Variants in TRERF1 observed in about 807,000 individuals in gnomAD.
TRERF1 encodes transcriptional regulating factor 1, also known as transcriptional-regulating factor 1.
TRERF1 carries 27 observed loss-of-function variants against 122.9 expected under a neutral mutation model. The ratio of observed to expected loss-of-function variants is 0.22; its 90% CI spans 0.16 to 0.30. The LOEUF is 0.30. TRERF1 is among the 10% of genes least tolerant of loss of function. TRERF1 has a pLI of 1.00. For missense variants in TRERF1, 1,248 were observed against 1,560.3 expected, an observed-to-expected ratio of 0.80 and a Z score of 3.37; for synonymous variants, 636 against 641.7, an observed-to-expected ratio of 0.99 and a Z score of 0.13.
intron 4 of TRERF1, among the ~76,000 whole-genome samples, chr6:42,270,516 TATTAACTGTAAGGCACA>T (rs1164823507): frequency 1.3e-5 from 2 of 152,336 alleles, no homozygotes; most frequent in East Asian, 3.9e-4. Flanking sequence ...ATTAGACACC[TATTAACTGTAAGGCACA>T]ATGCGGAGAA....
chr6:42,250,489 C>T (rs542117264), intron 13 of TRERF1, among the ~76,000 whole-genome samples: 9 of 152,184 alleles, frequency 5.9e-5, no homozygotes, highest in African/African-American at 1.9e-4. Context: ...TTCTCTAAGC[C>T]GGCCCTTCTT....
intron 3 of TRERF1, among the ~76,000 whole-genome samples, chr6:42,331,974 ACT>A (rs914841434): frequency 7.2e-5 from 11 of 152,090 alleles, no homozygotes; most frequent in African/African-American, 2.7e-4. Context: ...ATGGAGTCTT[ACT>A]CTGTCGCCCA....
At chr6:42,285,920 GC>G (rs1357718444) in intron 4 of TRERF1, among the ~76,000 whole-genome samples, 1 of 151,020 alleles carries the variant, frequency 6.6e-6, no homozygotes. Flanking sequence ...AACCAAAACA[GC>G]ATGGTACTGG....
chr6:42,346,101 T>C (rs1316534308), intron 3 of TRERF1, among the ~76,000 whole-genome samples: 1 of 152,096 alleles, frequency 6.6e-6, no homozygotes, highest in Admixed American at 6.5e-5. Context: ...CTAAGAAAAA[T>C]GAGGTAAGTG....
At position 42,232,831 on chromosome 6, in the gene TRERF1, A is replaced by G. The variant is rs765222880; in HGVS notation, c.3128T>C (p.Val1043Ala). 2.5e-5 allele frequency: 40 copies of G among 1,612,130 alleles called. No homozygotes were observed. Among genetic ancestry groups the G allele is most frequent in the Non-Finnish European group, 3.2e-5 (38 of 1,179,214 alleles). ...GGGGATGGCACCTCGGGCCTTGGTC[A>G]CCTGGTTGGTGCCCCCGTGGATGCG... Residue 1043 changes from valine (V) to alanine (A), a missense_variant, in exon 17 of 18, where the codon GTG becomes GCG. By Grantham distance (64) the Val-to-Ala change is moderately conservative. Coordinates refer to ENST00000372922, the Ensembl canonical transcript of TRERF1. The surrounding 1 kb of genome is among the most constrained non-coding windows in gnomAD (Gnocchi z 4.5).
In TRERF1 at chr6:42,339,516, G is replaced by A. The variant is rs535937393; in HGVS notation, c.-371+23481C>T. Among the ~76,000 whole-genome samples the A allele has an allele frequency of 1.1e-4, 16 of 152,260 alleles. No homozygotes were observed. In the South Asian group the frequency reaches 2.9e-3, roughly 28 times the overall value. ...TGAACCCAGGAAACTCAATAGCTAC[G>A]AATTGTACCCAAAGCTGCAAAAAAC... is the stretch of plus-strand genomic sequence containing the variant. On this transcript the variant is annotated intron_variant, in intron 3 of 17. Transcript: ENST00000372922.
intron 4 of TRERF1, among the ~76,000 whole-genome samples, chr6:42,277,898 GGAAGAAGGAAGAAGAAGAAGAAGAAGAA>G (rs1404607206): frequency 4.4e-5 from 5 of 113,934 alleles, no homozygotes; most frequent in East Asian, 2.6e-4. Flanking sequence ...GAAGGAAGAA[GGAAGAAGGAAGAAGAAGAAGAAGAAGAA>G]GAAGAAGAAG....
chr6:42,418,217 C>CTTT (rs1491418662), intron 2 of TRERF1, among the ~76,000 whole-genome samples: 7 of 9,098 alleles, frequency 7.7e-4, no homozygotes, highest in Admixed American at 2.4e-3. Context: ...CTTTTTCTTT[C>CTTT]CTTTTTTTTT....
intron 3 of TRERF1, among the ~76,000 whole-genome samples, chr6:42,320,065 C>T (rs1763147509): frequency 6.6e-6 from 1 of 151,836 alleles, no homozygotes; most frequent in South Asian, 2.1e-4. Context: ...CTATGCCCAG[C>T]TAATTTTTGT....
intron 2 of TRERF1, among the ~76,000 whole-genome samples, chr6:42,439,336 T>A (rs897221342): frequency 7.2e-5 from 11 of 152,226 alleles, no homozygotes; most frequent in Middle Eastern, 3.4e-3. Flanking sequence ...TCCAGCCTCA[T>A]CATCTGGCAA....
At chr6:42,248,290 G>A (rs905462524) in intron 13 of TRERF1, among the ~76,000 whole-genome samples, 2 of 152,198 alleles carry the variant, frequency 1.3e-5, no homozygotes, top group Non-Finnish European at 2.9e-5. Flanking sequence ...CCACAGCTGG[G>A]CGGGGTCAGA....
intron 3 of TRERF1, among the ~76,000 whole-genome samples, chr6:42,336,326 G>T (rs549975658): frequency 4.6e-5 from 7 of 152,210 alleles, no homozygotes; most frequent in Admixed American, 3.3e-4. Flanking sequence ...CCACTAACCT[G>T]CCATGCACCA....
At chr6:42,375,021 A>AG (rs1774575679) in intron 2 of TRERF1, among the ~76,000 whole-genome samples, 1 of 151,664 alleles carries the variant, frequency 6.6e-6, no homozygotes, top group African/African-American at 2.4e-5. Flanking sequence ...AAAAAAAAAA[A>AG]AAAGACATAA....
At chr6:42,304,707 A>G (rs1212683654) in intron 3 of TRERF1, among the ~76,000 whole-genome samples, 2 of 151,864 alleles carry the variant, frequency 1.3e-5, no homozygotes, top group Non-Finnish European at 2.9e-5. Flanking sequence ...AAGTCAGTAG[A>G]CCCTCCCAAG....
chr6:42,306,018 T>TTTTC (rs1308541445), intron 3 of TRERF1, among the ~76,000 whole-genome samples: 2 of 143,720 alleles, frequency 1.4e-5, no homozygotes, highest in Non-Finnish European at 1.5e-5. Context: ...TTTTTTTTTT[T>TTTTC]TGAGACAGAG....
intron 2 of TRERF1, among the ~76,000 whole-genome samples, chr6:42,386,524 A>G (rs1425441784): frequency 1.3e-5 from 2 of 152,230 alleles, no homozygotes; most frequent in Non-Finnish European, 2.9e-5. Context: ...AATAGATAGA[A>G]AAGCAAGAAA....
chr6:42,320,191 AC>A (rs1554166229), intron 3 of TRERF1, among the ~76,000 whole-genome samples: 1 of 152,024 alleles, frequency 6.6e-6, no homozygotes, highest in Non-Finnish European at 1.5e-5. Context: ...GAGCCACCGC[AC>A]CCAGCCATAA....
chr6:42,260,670 C>T (rs1777668816), intron 8 of TRERF1, among the ~76,000 whole-genome samples: 1 of 152,134 alleles, frequency 6.6e-6, no homozygotes, highest in Non-Finnish European at 1.5e-5. Flanking sequence ...GGGGTGCCCT[C>T]TCAGGCCCTG....
At chr6:42,272,467 T>C (rs1780400966) in intron 4 of TRERF1, among the ~76,000 whole-genome samples, 1 of 152,160 alleles carries the variant, frequency 6.6e-6, no homozygotes, top group South Asian at 2.1e-4. Flanking sequence ...CAAAGGGTGG[T>C]CCAGGTCCCC....
Sources: gnomAD v4.1 joint callset for allele counts (sites outside exome capture counted in the v4.1 genomes callset) on GRCh38, gnomAD v4.1.1 for gene constraint, Gnocchi (gnomAD v3.1) non-coding constraint, MANE v1.5 for transcripts, NCBI Gene and HGNC (gene_info 2026-07-23, HGNC 2026-07-21) for gene names.